Variants in SMARCAD1 observed in about 807,000 individuals in gnomAD.
The protein encoded by SMARCAD1 is SWI/SNF-related matrix-associated actin-dependent regulator of chromatin subfamily A containing DEAD/H box 1.
Under a neutral mutation model 127.1 loss-of-function variants are expected in SMARCAD1, and 25 were observed. The observed-to-expected ratio is 0.20, with a 90% CI of 0.14 to 0.27. The LOEUF is 0.27. Among genes scored for constraint, SMARCAD1 ranks in the 10% least tolerant of loss-of-function variants. SMARCAD1 has a pLI of 1.00. For synonymous variants in SMARCAD1, 400 were observed against 396.9 expected, an observed-to-expected ratio of 1.01 and a Z score of -0.09; for missense variants, 807 against 1,206.0, an observed-to-expected ratio of 0.67 and a Z score of 4.90.
rs1173662573 is a variant in SMARCAD1 at position 94,291,045 on chromosome 4, C to A, written c.*1511C>A. On this transcript the variant is annotated 3_prime_UTR_variant, in exon 24 of 24. Coordinates refer to ENST00000354268, the MANE Select transcript of SMARCAD1 (RefSeq NM_020159.5). ...TAAAAGGAGTCTTCATGTGTTAATACTACCTCCTTGTACATCACTATACCC... is the reference window on the plus strand; with the variant it reads ...TAAAAGGAGTCTTCATGTGTTAATAATACCTCCTTGTACATCACTATACCC... 2.3e-6 allele frequency: 1 copy of A among 439,872 alleles called. No homozygotes were observed. The highest frequency in any genetic ancestry group is 4.5e-6 in the Non-Finnish European group (1 of 221,130). 27.2% of individuals were successfully genotyped at this position (439,872 alleles called of 1,614,324 possible).
chr4:94,238,070 C>G (rs745962271), intron 5 of SMARCAD1, among the ~76,000 whole-genome samples: 2 of 152,080 alleles, frequency 1.3e-5, no homozygotes, highest in African/African-American at 4.8e-5. Flanking sequence ...AAATACAAAA[C>G]GATGTGTTCC....
chr4:94,283,877 A>T (rs542370842), intron 22 of SMARCAD1, among the ~76,000 whole-genome samples: 31 of 152,136 alleles, frequency 2.0e-4, no homozygotes, highest in African/African-American at 6.5e-4. Flanking sequence ...ATGAGTAATT[A>T]AAAAAACTTG....
At chr4:94,234,184 T>G in intron 4 of SMARCAD1, 62 bp downstream of exon 4, 1 of 1,399,514 alleles carries the variant, frequency 7.1e-7, no homozygotes, top group Non-Finnish European at 9.9e-7. Flanking sequence ...TTCAGTGCTA[T>G]AGTTAGTAGT....
chr4:94,262,708 T>C (rs1171540816), intron 9 of SMARCAD1, among the ~76,000 whole-genome samples: 1 of 152,152 alleles, frequency 6.6e-6, no homozygotes, highest in Non-Finnish European at 1.5e-5. Flanking sequence ...CCATAAGGAA[T>C]TACTAGGTCT....
intron 2 of SMARCAD1, among the ~76,000 whole-genome samples, chr4:94,209,060 C>CT (rs1741753578): frequency 6.6e-6 from 1 of 152,224 alleles, no homozygotes; most frequent in Non-Finnish European, 1.5e-5. Flanking sequence ...ACCTGACTTC[C>CT]TGGATGTCCT....
chr4:94,227,017 A>C (rs572872542), intron 3 of SMARCAD1, among the ~76,000 whole-genome samples: 1 of 152,158 alleles, frequency 6.6e-6, no homozygotes, highest in East Asian at 1.9e-4. Context: ...GGGTCAGGGA[A>C]TGGTTTCTAA....
intron 22 of SMARCAD1, among the ~76,000 whole-genome samples, chr4:94,284,176 A>T (rs1251281304): frequency 2.0e-5 from 3 of 150,438 alleles, no homozygotes; most frequent in South Asian, 4.2e-4. Flanking sequence ...AAAAAAAAAA[A>T]ATTAGCCAGG....
intron 9 of SMARCAD1, among the ~76,000 whole-genome samples, chr4:94,254,274 A>G (rs1749723214): frequency 6.6e-6 from 1 of 152,072 alleles, no homozygotes; most frequent in Non-Finnish European, 1.5e-5. Context: ...GTATTTGCTG[A>G]AGGGCTTTCT....
At position 94,289,882 on chromosome 4, in the gene SMARCAD1, ATATT is replaced by A. The variant is rs1755466864; in HGVS notation, c.*349_*352del. ...ATTATTTCTACCTCCAAATATATAT[ATATT>A]GTCTTTCACTGGATAATGTGTGTAG... On this transcript the variant is annotated 3_prime_UTR_variant, in exon 24 of 24. Coordinates refer to ENST00000354268, the MANE Select transcript of SMARCAD1 (RefSeq NM_020159.5). 8.7e-6 allele frequency: 4 copies of A among 462,050 alleles called. No homozygotes were observed. The highest frequency in any genetic ancestry group is 1.7e-5 in the Non-Finnish European group (4 of 232,980). The allele number at this position is 462,050 out of a possible 1,614,324, so 28.6% of individuals were successfully genotyped here.
rs572347889 is a variant in SMARCAD1 at position 94,280,572 on chromosome 4, G to GTGTTT, written c.2419-8_2419-4dup. On this transcript the variant is annotated intron_variant, in intron 19 of 23. Transcript: ENST00000354268. ...AATTATTTTTATTTTGAAGTATACTGTGTTTTGTTTTGTTTTAAGGAACCT... is the reference window on the plus strand; with the variant it reads ...AATTATTTTTATTTTGAAGTATACTGTGTTTTGTTTTGTTTTGTTTTAAGGAACCT... 62,415 of 1,594,556 alleles carry GTGTTT rather than the reference G, an allele frequency of 0.039. 1,441 individuals are homozygous for GTGTTT. The highest frequency in any genetic ancestry group is 0.047 in the Middle Eastern group (271 of 5,754).
Position 94,274,729 on chromosome 4 carries a change from G to A in SMARCAD1, c.1673-9G>A, listed in dbSNP as rs754252752. ...AGCAGATGCAAATAATGTCTCTTCT[G>A]TTCCATAGATAACTGGTTAAGGGAA... On this transcript the variant is annotated splice_polypyrimidine_tract_variant and intron_variant, in intron 12 of 23. Coordinates refer to ENST00000354268, the MANE Select transcript of SMARCAD1 (RefSeq NM_020159.5). The A allele has an allele frequency of 6.2e-7, 1 of 1,612,886 alleles. No individual in the cohort carries two copies. Among genetic ancestry groups the A allele is most frequent in the East Asian group, 2.2e-5 (1 of 44,856 alleles).
At chr4:94,246,816 A>T (rs1748503403) in intron 6 of SMARCAD1, among the ~76,000 whole-genome samples, 1 of 152,180 alleles carries the variant, frequency 6.6e-6, no homozygotes, top group South Asian at 2.1e-4. Flanking sequence ...AGTTACTCTA[A>T]CTCTGAAGAC....
In SMARCAD1 at chr4:94,276,623, A is replaced by G. The variant is rs1442073247; in HGVS notation, c.1944+149A>G. On this transcript the variant is annotated intron_variant, in intron 15 of 23. Coordinates refer to ENST00000354268, the MANE Select transcript of SMARCAD1 (RefSeq NM_020159.5). ...GCAAGTTTTTTCTGTAAAAGGGAAG[A>G]TAGTAAATATTTCACACTTTATGGA... 2.5e-5 allele frequency: 25 copies of G among 1,007,144 alleles called. No individual in the cohort carries two copies. In the East Asian group the frequency reaches 6.3e-4, roughly 25 times the overall value. The allele number at this position is 1,007,144 out of a possible 1,614,324, so 62.4% of individuals were successfully genotyped here.
chr4:94,291,229 A>G lies in SMARCAD1; in HGVS notation c.*1695A>G, dbSNP rs1338203639. The stretch of plus-strand genomic sequence containing the variant: ...CATACTTTTATCTCTAATGAAATGT[A>G]GTTGGGTTCTTCCTGTAATGCGCTA... On this transcript the variant is annotated 3_prime_UTR_variant, in exon 24 of 24. Coordinates refer to ENST00000354268, the MANE Select transcript of SMARCAD1 (RefSeq NM_020159.5). 2.2e-6 allele frequency: 1 copy of G among 453,950 alleles called. No homozygotes were observed. Among genetic ancestry groups the G allele is most frequent in the Non-Finnish European group, 4.4e-6 (1 of 226,742 alleles). 28.1% of individuals were successfully genotyped at this position (453,950 alleles called of 1,614,324 possible).
In SMARCAD1 at chr4:94,290,504, T is replaced by C. The variant is rs1355223101; in HGVS notation, c.*970T>C. The stretch of plus-strand genomic sequence containing the variant: ...GACTTCATCTAAAGGCAGCATTAGG[T>C]ACTGCATGGAAATAGGTCATTAACT... On this transcript the variant is annotated 3_prime_UTR_variant, in exon 24 of 24. Transcript: ENST00000354268. 2.2e-6 allele frequency: 1 copy of C among 454,506 alleles called. No homozygotes were observed. Among genetic ancestry groups the C allele is most frequent in the South Asian group, 1.6e-5 (1 of 64,476 alleles). The allele number at this position is 454,506 out of a possible 1,614,324, so 28.2% of individuals were successfully genotyped here.
chr4:94,241,492 C>G lies in SMARCAD1; in HGVS notation c.705+486C>G, dbSNP rs1037627004. Among the ~76,000 whole-genome samples, 3 of 152,110 alleles carry G rather than the reference C, an allele frequency of 2.0e-5. No individual in the cohort carries two copies. The East Asian group carries it at 5.8e-4, about 29-fold the overall frequency. ...TTTAACTTGAGTGTCTCACTGATGA[C>G]CCTGTCTCCAATAAGGTCACATTCT... On this transcript the variant is annotated intron_variant, in intron 6 of 23. Transcript: ENST00000354268.
intron 2 of SMARCAD1, among the ~76,000 whole-genome samples, chr4:94,224,058 A>G (rs1033892751): frequency 6.6e-6 from 1 of 152,134 alleles, no homozygotes; most frequent in Non-Finnish European, 1.5e-5. Context: ...AAGTACCTCT[A>G]TACTTACTAT....
chr4:94,290,497 C>T lies in SMARCAD1; in HGVS notation c.*963C>T, dbSNP rs1243586957. 1 of 454,478 alleles carries T rather than the reference C, an allele frequency of 2.2e-6. No individual in the cohort carries two copies. Among genetic ancestry groups the T allele is most frequent in the East Asian group, 6.9e-5 (1 of 14,398 alleles). 28.2% of individuals were successfully genotyped at this position (454,478 alleles called of 1,614,324 possible). A position where few individuals can be genotyped will look rare whatever the true frequency, so the allele number is the denominator to read the frequency against. On this transcript the variant is annotated 3_prime_UTR_variant, in exon 24 of 24. Coordinates refer to ENST00000354268, the MANE Select transcript of SMARCAD1 (RefSeq NM_020159.5). Reference sequence around the variant, plus strand: ...TGAATGTGACTTCATCTAAAGGCAGCATTAGGTACTGCATGGAAATAGGTC... The same window carrying T: ...TGAATGTGACTTCATCTAAAGGCAGTATTAGGTACTGCATGGAAATAGGTC...
Position 94,250,884 on chromosome 4 carries a change from T to G in SMARCAD1, c.889+51T>G, listed in dbSNP as rs755480105. The G allele has an allele frequency of 6.4e-6, 9 of 1,399,940 alleles. No homozygotes were observed. The African/African-American group carries it at 7.2e-5, about 11-fold the overall frequency. The allele number at this position is 1,399,940 out of a possible 1,614,324, so 86.7% of individuals were successfully genotyped here. A position where few individuals can be genotyped will look rare whatever the true frequency, so the allele number is the denominator to read the frequency against. ...ACATACTTCTCATTATAGTCTGTATTTTAGTATATAAGAAAATGGTATATA... is the reference window on the plus strand; with the variant it reads ...ACATACTTCTCATTATAGTCTGTATGTTAGTATATAAGAAAATGGTATATA... On this transcript the variant is annotated intron_variant, in intron 8 of 23. Transcript: ENST00000354268.
Sources: gnomAD v4.1 joint callset for allele counts (sites outside exome capture counted in the v4.1 genomes callset) on GRCh38, gnomAD v4.1.1 for gene constraint, MANE v1.5 for transcripts, NCBI Gene and HGNC (gene_info 2026-07-23, HGNC 2026-07-21) for gene names.